The following SYNE1 variants were observed in gnomAD, a reference collection of about 807,000 sequenced individuals.
SYNE1 encodes nesprin-1.
In SYNE1, 616 loss-of-function variants were observed where a neutral mutation model predicts 1,111.0. The observed-to-expected ratio is 0.55, with a 90% CI of 0.52 to 0.59. The LOEUF is 0.59. SYNE1 is among the 20% of genes least tolerant of loss of function. The pLI is 0.00. For synonymous variants in SYNE1, 3,855 were observed against 3,825.8 expected, an observed-to-expected ratio of 1.01 and a Z score of -0.28; for missense variants, 10,006 against 10,417.0, an observed-to-expected ratio of 0.96 and a Z score of 1.72.
At chr6:152,264,045 C>T (rs1434563475) in intron 100 of SYNE1, among the ~76,000 whole-genome samples, 1 of 151,486 alleles carries the variant, frequency 6.6e-6, no homozygotes, top group East Asian at 2.0e-4. Flanking sequence ...CTCATTTCTA[C>T]TAAAAATACA....
intron 3 of SYNE1, among the ~76,000 whole-genome samples, chr6:152,564,884 A>T (rs1374812314): frequency 6.6e-6 from 1 of 152,210 alleles, no homozygotes; most frequent in African/African-American, 2.4e-5. Context: ...AACTAGAGAC[A>T]AAAATAATAA....
chr6:152,361,845 T>TAAA (rs71749478), intron 64 of SYNE1, among the ~76,000 whole-genome samples: 15 of 137,682 alleles, frequency 1.1e-4, no homozygotes, highest in African/African-American at 3.5e-4. Flanking sequence ...AGGGATGTGA[T>TAAA]AAAAAAAAAA....
rs1223817645 is a variant in SYNE1 at position 152,330,070 on chromosome 6, A to G, written c.14615T>C (p.Ile4872Thr). The change falls in exon 78 of 146, where the codon ATT becomes ACT. Residue 4872 changes from isoleucine (I) to threonine (T), a missense_variant. By Grantham distance (89) the Ile-to-Thr change is moderately conservative (BLOSUM62 -1). This residue lies in a region of SYNE1 where 4,955 missense variants were observed against 5,017.2 expected (regional missense o/e 0.99). Transcript: ENST00000367255. ...QGELKLLTSA[I>T]GETVTECESR... ...CTCACATTCTGTCACCGTCTCACCAATGGCAGAAGTCAACAGTTTTAACTC... is the reference window on the plus strand; with the variant it reads ...CTCACATTCTGTCACCGTCTCACCAGTGGCAGAAGTCAACAGTTTTAACTC... 13 of 1,614,092 alleles carry G rather than the reference A, an allele frequency of 8.1e-6. No individual in the cohort carries two copies. Among genetic ancestry groups the G allele is most frequent in the Non-Finnish European group, 1.1e-5 (13 of 1,179,990 alleles).
rs181857928 is a variant in SYNE1 at position 152,251,393 on chromosome 6, T to C, written c.19471-2131A>G. ...GAAGATAGTAAAGCAAAGAATATGATTGATTTTAAAATTACTAAATAAAAA... is the reference window on the plus strand; with the variant it reads ...GAAGATAGTAAAGCAAAGAATATGACTGATTTTAAAATTACTAAATAAAAA... On this transcript the variant is annotated intron_variant, in intron 104 of 145. Coordinates refer to ENST00000367255, the MANE Select transcript of SYNE1 (RefSeq NM_182961.4). Among the ~76,000 whole-genome samples the C allele has an allele frequency of 8.5e-5, 13 of 152,330 alleles. No individual in the cohort carries two copies. In the East Asian group the frequency reaches 2.5e-3, roughly 29 times the overall value.
rs753729157 is a variant in SYNE1 at position 152,430,530 on chromosome 6, G to C, written c.4641C>G (p.Ile1547Met). 1 of 1,614,068 alleles carries C rather than the reference G, an allele frequency of 6.2e-7. No homozygotes were observed. The highest frequency in any genetic ancestry group is 1.1e-5 in the South Asian group (1 of 91,082). Residue 1547 changes from isoleucine to methionine, a missense_variant, in exon 35 of 146, where the codon ATC becomes ATG. Physicochemically the swap from Ile to Met is conservative, Grantham distance 10. This residue lies in a region of SYNE1 where 1,971 missense variants were observed against 2,084.1 expected (regional missense o/e 0.95). Transcript: ENST00000367255. ...TTTGCTGCTGAGATAAATGTCCCAG[G>C]ATTGTTCCTTCCAGACACTGTGCAT... ...REHAQCLEGT[I>M]LGHLSQQQKF...
chr6:152,233,389 G>A (rs1277427167), intron 112 of SYNE1, among the ~76,000 whole-genome samples: 1 of 151,532 alleles, frequency 6.6e-6, no homozygotes, highest in African/African-American at 2.4e-5. Context: ...GTGCAGTGGC[G>A]CGATCTCGGC....
Position 152,625,643 on chromosome 6 carries a change from T to G in SYNE1, c.67+2622A>C, listed in dbSNP as rs1315056840. ...CTTATGCCACCTTATAACTCTCTCT[T>G]TTATAGAAATAAAAGCTAATTAATG... is the stretch of plus-strand genomic sequence containing the variant. On this transcript the variant is annotated intron_variant, in intron 3 of 145. Coordinates refer to ENST00000367255, the MANE Select transcript of SYNE1 (RefSeq NM_182961.4). 2.0e-5 allele frequency among the ~76,000 whole-genome samples: 3 copies of G among 152,292 alleles called. No individual in the cohort carries two copies. The East Asian group carries it at 5.8e-4, about 29-fold the overall frequency.
intron 3 of SYNE1, among the ~76,000 whole-genome samples, chr6:152,608,059 C>T (rs1464809106): frequency 3.9e-5 from 6 of 151,994 alleles, no homozygotes; most frequent in African/African-American, 1.4e-4. Context: ...GGGAGGGAAC[C>T]TAGATGATGG....
intron 79 of SYNE1, 68 bp downstream of exon 79, chr6:152,326,228 G>A (rs552617539): frequency 6.5e-5 from 105 of 1,610,642 alleles, no homozygotes; most frequent in Middle Eastern, 3.3e-4. Context: ...TATATCATTC[G>A]TGTATTACTA....
chr6:152,500,991 G>C (rs1196408628), intron 10 of SYNE1, among the ~76,000 whole-genome samples: 1 of 151,202 alleles, frequency 6.6e-6, no homozygotes, highest in African/African-American at 2.4e-5. Context: ...ACATTTTTTG[G>C]TTTTCTTATT....
Position 152,122,444 on chromosome 6 carries a change from G to A in SYNE1, c.26386C>T (p.Pro8796Ser). 2 of 1,614,154 alleles carry A rather than the reference G, an allele frequency of 1.2e-6. No homozygotes were observed. Among genetic ancestry groups the A allele is most frequent in the Non-Finnish European group, 1.7e-6 (2 of 1,180,042 alleles). ...GATGGCATCTGCTTAGTTCAGAGTG[G>A]AGGAGGGCCATTCGTGTATCTGAGC... The part of the protein sequence containing the change: ...PMLRYTNGPP[P>S]L The change falls in exon 146 of 146, where the codon CCA becomes TCA. Residue 8796 changes from proline (P) to serine (S), a missense_variant. Pro to Ser is a moderately conservative substitution (Grantham distance 74). Transcript: ENST00000367255.
At chr6:152,524,969 G>A (rs1265114220) in intron 5 of SYNE1, among the ~76,000 whole-genome samples, 1 of 152,112 alleles carries the variant, frequency 6.6e-6, no homozygotes, top group South Asian at 2.1e-4. Flanking sequence ...TGTGCAACTT[G>A]TGCCTTTAAG....
At chr6:152,481,292 C>A (rs1486168838) in intron 14 of SYNE1, 2 of 255,428 alleles carry the variant, frequency 7.8e-6, no homozygotes, top group African/African-American at 2.2e-5. Flanking sequence ...GTGCCCCTCA[C>A]CTGTTGCCCT....
At position 152,347,135 on chromosome 6, in the gene SYNE1, T is replaced by G; in HGVS notation, c.12002A>C (p.Lys4001Thr). The G allele has an allele frequency of 6.2e-7, 1 of 1,614,192 alleles. No homozygotes were observed. Among genetic ancestry groups the G allele is most frequent in the Non-Finnish European group, 8.5e-7 (1 of 1,180,040 alleles). Residue 4001 changes from lysine (K) to threonine (T), a missense_variant, in exon 73 of 146, where the codon AAA becomes ACA. By Grantham distance (78) the Lys-to-Thr change is moderately conservative (BLOSUM62 -1). Transcript: ENST00000367255. ...IGQCADHLQA[K>T]LKQNVHAHLQ... Reference sequence around the variant, plus strand: ...ATGAGCATGCACGTTTTGTTTAAGTTTCGCTTGCAGGTGGTCTGCACATTG... The same window carrying G: ...ATGAGCATGCACGTTTTGTTTAAGTGTCGCTTGCAGGTGGTCTGCACATTG...
Position 152,149,670 on chromosome 6 carries a change from T to C in SYNE1, c.24451-2A>G. ...CAGTGAAATTTCCTGCTGGAAGGCCTAGGGAGTACAAATCTCATGTGATTT... is the reference window on the plus strand; with the variant it reads ...CAGTGAAATTTCCTGCTGGAAGGCCCAGGGAGTACAAATCTCATGTGATTT... On this transcript the variant is annotated splice_acceptor_variant, in intron 135 of 145. Coordinates refer to ENST00000367255, the MANE Select transcript of SYNE1 (RefSeq NM_182961.4). LOFTEE classifies it high-confidence loss of function. The C allele has an allele frequency of 6.2e-7, 1 of 1,613,542 alleles. No homozygotes were observed. Among genetic ancestry groups the C allele is most frequent in the Non-Finnish European group, 8.5e-7 (1 of 1,179,586 alleles).
At chr6:152,530,700 C>A (rs547774125) in intron 4 of SYNE1, among the ~76,000 whole-genome samples, 13 of 151,480 alleles carry the variant, frequency 8.6e-5, no homozygotes, top group African/African-American at 3.1e-4. Context: ...CGGCTCACTG[C>A]AACCTCTGCC....
In SYNE1 at chr6:152,376,546, T is replaced by C; in HGVS notation, c.9159A>G (p.Gln3053=). 1 of 1,613,962 alleles carries C rather than the reference T, an allele frequency of 6.2e-7. No individual in the cohort carries two copies. Among genetic ancestry groups the C allele is most frequent in the Non-Finnish European group, 8.5e-7 (1 of 1,180,028 alleles). The change falls in exon 58 of 146, where the codon CAA becomes CAG. Residue 3053 remains glutamine (Q), a synonymous_variant. Transcript: ENST00000367255. ...LIKEYNCLCL[Q]ASKGCQNKEQ... ...CTTTATTCTGGCAGCCCTTGGATGC[T>C]TGCAAACAAAGACTGAAAAGGTGAC... is the stretch of plus-strand genomic sequence containing the variant.
chr6:152,363,148 T>G (rs1365979383), intron 63 of SYNE1, among the ~76,000 whole-genome samples: 26 of 149,148 alleles, frequency 1.7e-4, no homozygotes, highest in African/African-American at 5.9e-4. Context: ...CCCAAAGTGC[T>G]GGGAATACAG....
At chr6:152,368,209 T>C (rs568530289) in intron 61 of SYNE1, 23 of 152,584 alleles carry the variant, frequency 1.5e-4, no homozygotes, top group Admixed American at 1.2e-3. Flanking sequence ...AGTGTCCCTA[T>C]ATTCTAACAC....
Sources: gnomAD v4.1 joint callset for allele counts (sites outside exome capture counted in the v4.1 genomes callset) on GRCh38, gnomAD v4.1.1 for gene constraint, gnomAD v4.1.1 regional missense constraint, MANE v1.5 for transcripts, NCBI Gene and HGNC (gene_info 2026-07-23, HGNC 2026-07-21) for gene names.